STXBP5L: variants seen among roughly 807,000 people sequenced by gnomAD.
STXBP5L encodes syntaxin-binding protein 5-like.
A neutral mutation model predicts 144.5 loss-of-function variants in STXBP5L; 65 were observed. That is an observed-to-expected ratio of 0.45 (90% CI 0.37 to 0.55). The LOEUF is 0.55. Ranked by LOEUF, STXBP5L falls within the 20% of genes least tolerant of loss-of-function variation. The pLI, the probability that STXBP5L is intolerant of heterozygous loss-of-function variation, is 0.00. For synonymous variants in STXBP5L, 505 were observed against 469.6 expected (o/e 1.08, Z -0.97); for missense variants, 1,298 against 1,405.5 (o/e 0.92, Z 1.22).
chr3:121,343,461 C>T (rs767919672), intron 20 of STXBP5L, among the ~76,000 whole-genome samples: 2 of 152,052 alleles, frequency 1.3e-5, no homozygotes, highest in African/African-American at 4.8e-5. Context: ...TCAAATTATC[C>T]CTGTTTGCAG....
chr3:121,011,604 A>G (rs894590934), intron 3 of STXBP5L, among the ~76,000 whole-genome samples: 3 of 151,714 alleles, frequency 2.0e-5, no homozygotes, highest in African/African-American at 7.3e-5. Context: ...TGCTGTAACA[A>G]AGTCTAAGAA....
At position 120,955,951 on chromosome 3, in the gene STXBP5L, A is replaced by G. The variant is rs572703855; in HGVS notation, c.287+914A>G. Among the ~76,000 whole-genome samples, 4 of 152,142 alleles carry G rather than the reference A, an allele frequency of 2.6e-5. No homozygotes were observed. In the South Asian group the frequency reaches 8.3e-4, roughly 31 times the overall value. On this transcript the variant is annotated intron_variant, in intron 3 of 26. Coordinates refer to ENST00000471454, the MANE Select transcript of STXBP5L (RefSeq NM_001308330.2). The stretch of plus-strand genomic sequence containing the variant: ...TATAACTCTCTGAAGATTCATTCAT[A>G]TTGTTGCATGTATCAATAGTTTATT...
At chr3:120,948,750 C>G (rs758712056) in intron 2 of STXBP5L, among the ~76,000 whole-genome samples, 7 of 151,934 alleles carry the variant, frequency 4.6e-5, no homozygotes, top group Non-Finnish European at 1.0e-4. Flanking sequence ...CTTTTTATGA[C>G]AGAGTAGTAT....
chr3:121,045,767 T>A (rs1285242952), intron 5 of STXBP5L, among the ~76,000 whole-genome samples: 30 of 152,160 alleles, frequency 2.0e-4, no homozygotes, highest in Admixed American at 2.0e-3. Context: ...GGGCTGAGAT[T>A]ATGGGGTTTT....
chr3:121,166,410 C>T (rs73191420), intron 9 of STXBP5L, among the ~76,000 whole-genome samples: 5,411 of 152,212 alleles, frequency 0.036, 148 homozygotes, highest in Middle Eastern at 0.082. Flanking sequence ...TTCTCTTCAG[C>T]TATGTATATT....
At chr3:121,407,140 T>TTA in intron 22 of STXBP5L, 103 bp from the exon 23 acceptor site, 3 of 1,377,624 alleles carry the variant, frequency 2.2e-6, no homozygotes, top group Non-Finnish European at 1.9e-6. Flanking sequence ...TAGGGCAATA[T>TTA]TATGACTCTA....
intron 20 of STXBP5L, among the ~76,000 whole-genome samples, chr3:121,354,508 C>CTTTTTTTTTTTTTTTTTT (rs145703750): frequency 3.0e-5 from 2 of 67,542 alleles, no homozygotes; most frequent in Non-Finnish European, 5.4e-5. Context: ...TGCAACCCTG[C>CTTTTTTTTTTTTTTTTTT]TTTTTTTTTT....
At chr3:121,406,832 A>G (rs188936945) in intron 22 of STXBP5L, among the ~76,000 whole-genome samples, 35 of 152,192 alleles carry the variant, frequency 2.3e-4, no homozygotes, top group African/African-American at 7.9e-4. Context: ...AATAAATAAA[A>G]TATGTACATT....
chr3:120,968,792 A>C (rs991258786), intron 3 of STXBP5L, among the ~76,000 whole-genome samples: 1 of 151,730 alleles, frequency 6.6e-6, no homozygotes, highest in Non-Finnish European at 1.5e-5. Flanking sequence ...CACTTAAAAC[A>C]TATGATATTT....
chr3:121,385,864 TA>T (rs1175173661), intron 22 of STXBP5L, among the ~76,000 whole-genome samples: 1 of 152,196 alleles, frequency 6.6e-6, no homozygotes, highest in Non-Finnish European at 1.5e-5. Context: ...TTAATTTATA[TA>T]AATATGAAAA....
At chr3:121,376,606 G>GC (rs2046190546) in intron 20 of STXBP5L, among the ~76,000 whole-genome samples, 1 of 152,060 alleles carries the variant, frequency 6.6e-6, no homozygotes, top group Non-Finnish European at 1.5e-5. Flanking sequence ...CTGTTTTGGT[G>GC]CCAGTATCAT....
chr3:121,360,586 C>A (rs989048791), intron 20 of STXBP5L, among the ~76,000 whole-genome samples: 4 of 152,006 alleles, frequency 2.6e-5, no homozygotes, highest in Non-Finnish European at 5.9e-5. Flanking sequence ...TTTGAGATTA[C>A]CATGAGGCAT....
chr3:121,133,605 T>C (rs1249418098), intron 7 of STXBP5L, among the ~76,000 whole-genome samples: 1 of 152,126 alleles, frequency 6.6e-6, no homozygotes. Context: ...TTACCACCAC[T>C]AGATTTGACT....
At chr3:121,133,349 G>C (rs901251976) in intron 7 of STXBP5L, among the ~76,000 whole-genome samples, 1 of 152,142 alleles carries the variant, frequency 6.6e-6, no homozygotes, top group African/African-American at 2.4e-5. Flanking sequence ...ACTGTCAGAA[G>C]TCAAGGACAA....
chr3:120,989,254 A>G (rs146919594), intron 3 of STXBP5L, among the ~76,000 whole-genome samples: 135 of 152,184 alleles, frequency 8.9e-4, no homozygotes, highest in East Asian at 7.7e-3. Context: ...CCAACAAGCA[A>G]TGTATAATTG....
Position 121,240,492 on chromosome 3 carries a change from A to G in STXBP5L, c.1385A>G (p.Glu462Gly). The change falls in exon 14 of 27, where the codon GAA becomes GGA. Residue 462 changes from glutamate (E) to glycine (G), a missense_variant. By Grantham distance (98) the Glu-to-Gly change is moderately conservative. Transcript: ENST00000471454. The stretch of plus-strand genomic sequence containing the variant: ...AACCTTGGAGCACAAACATATCCAG[A>G]AATTATTATTACTGGGTAAGTAGAT... ...AWNLGAQTYPEIIITGHADGS... is the reference protein window; with the variant it reads ...AWNLGAQTYPGIIITGHADGS... 6.2e-7 allele frequency: 1 copy of G among 1,613,444 alleles called. No homozygotes were observed. Among genetic ancestry groups the G allele is most frequent in the South Asian group, 1.1e-5 (1 of 91,060 alleles).
chr3:121,368,255 C>A (rs1286381029), intron 20 of STXBP5L, among the ~76,000 whole-genome samples: 6 of 152,148 alleles, frequency 3.9e-5, no homozygotes, highest in African/African-American at 1.4e-4. Flanking sequence ...TCAAATCTGC[C>A]TTTGAATTCT....
chr3:121,197,245 C>G (rs533707536), intron 9 of STXBP5L, among the ~76,000 whole-genome samples: 1 of 152,130 alleles, frequency 6.6e-6, no homozygotes, highest in South Asian at 2.1e-4. Flanking sequence ...TATCTTTGAT[C>G]AAAGCGTGTC....
intron 3 of STXBP5L, among the ~76,000 whole-genome samples, chr3:120,956,690 CAGA>C (rs1330400187): frequency 1.3e-5 from 2 of 151,778 alleles, no homozygotes; most frequent in African/African-American, 2.4e-5. Context: ...GGTATATATC[CAGA>C]AGAAGAATTG....
Sources: allele counts gnomAD v4.1 joint callset (sites outside exome capture counted in the v4.1 genomes callset), GRCh38; gene constraint gnomAD v4.1.1; transcripts MANE v1.5; gene names NCBI Gene and HGNC (gene_info 2026-07-23, HGNC 2026-07-21).